The following TMEM163 variants were observed in gnomAD, a reference collection of about 807,000 sequenced individuals.
The protein encoded by TMEM163 is transmembrane protein 163.
TMEM163 carries 17 observed loss-of-function variants against 29.3 expected under a neutral mutation model. The observed-to-expected ratio is 0.58, with a 90% CI of 0.40 to 0.87. TMEM163 has a LOEUF of 0.87. Among genes scored for constraint, TMEM163 ranks in the 40% least tolerant of loss-of-function variants. TMEM163 has a pLI of 0.00. For synonymous variants in TMEM163, 157 were observed against 160.6 expected, an observed-to-expected ratio of 0.98 and a Z score of 0.17; for missense variants, 303 against 381.5, an observed-to-expected ratio of 0.79 and a Z score of 1.71.
chr2:134,570,105 G>A (rs906905318), intron 2 of TMEM163, among the ~76,000 whole-genome samples: 1 of 151,980 alleles, frequency 6.6e-6, no homozygotes, highest in African/African-American at 2.4e-5. Context: ...GTATGTCAAA[G>A]GTATGCTGTA....
chr2:134,636,181 C>T (rs1018811673), intron 2 of TMEM163, among the ~76,000 whole-genome samples: 2 of 152,220 alleles, frequency 1.3e-5, no homozygotes, highest in South Asian at 2.1e-4. Context: ...GTGTCCACCA[C>T]ACCACACCAG....
chr2:134,501,918 C>T (rs1053912167), intron 5 of TMEM163, among the ~76,000 whole-genome samples: 1 of 152,110 alleles, frequency 6.6e-6, no homozygotes, highest in Admixed American at 6.5e-5. Context: ...CCTGGTGGAT[C>T]ATTAAAGGGA....
chr2:134,545,679 G>GCCAACAC (rs1680764027), intron 4 of TMEM163, among the ~76,000 whole-genome samples: 1 of 151,938 alleles, frequency 6.6e-6, no homozygotes, highest in African/African-American at 2.4e-5. Flanking sequence ...GGATCATACT[G>GCCAACAC]CCAACACCTG....
At position 134,579,227 on chromosome 2, in the gene TMEM163, A is replaced by G. The variant is rs576283445; in HGVS notation, c.323-27136T>C. ...TATTCCCATTAGAACTTTTGATGCA[A>G]GGATTACTGGTAAACTTTCCAGTTT... On this transcript the variant is annotated intron_variant, in intron 2 of 7. Coordinates refer to ENST00000281924, the MANE Select transcript of TMEM163 (RefSeq NM_030923.5). Among the ~76,000 whole-genome samples, 12 of 152,332 alleles carry G rather than the reference A, an allele frequency of 7.9e-5. No homozygotes were observed. In the East Asian group the frequency reaches 1.5e-3, roughly 20 times the overall value.
chr2:134,650,083 T>C (rs753109961), intron 2 of TMEM163, among the ~76,000 whole-genome samples: 10 of 149,846 alleles, frequency 6.7e-5, no homozygotes, highest in Non-Finnish European at 1.3e-4. Context: ...TACAATTGAG[T>C]GAAAAAATGG....
In TMEM163 at chr2:134,520,960, C is replaced by T. The variant is rs141197889; in HGVS notation, c.459-17963G>A. On this transcript the variant is annotated intron_variant, in intron 4 of 7. Transcript: ENST00000281924. ...GGGAAGGTGTTAGTTTTTGTTTTTA[C>T]AAAGCTCTCCAGGTGTTCCTTATGA... is the stretch of plus-strand genomic sequence containing the variant. Among the ~76,000 whole-genome samples, 1,236 of 151,290 alleles carry T rather than the reference C, an allele frequency of 8.2e-3. 11 individuals carry two copies. The highest frequency in any genetic ancestry group is 0.027 in the African/African-American group (1,098 of 41,214).
At chr2:134,548,772 A>T (rs1375675586) in intron 4 of TMEM163, among the ~76,000 whole-genome samples, 1 of 152,216 alleles carries the variant, frequency 6.6e-6, no homozygotes, top group African/African-American at 2.4e-5. Context: ...TATGTTTCGT[A>T]TACACCTTGT....
intron 4 of TMEM163, among the ~76,000 whole-genome samples, chr2:134,507,686 C>T (rs1380867033): frequency 6.6e-6 from 1 of 152,018 alleles, no homozygotes; most frequent in Admixed American, 6.6e-5. Flanking sequence ...AACACAGAGA[C>T]CCCACCTCCA....
At chr2:134,713,495 G>T in intron 1 of TMEM163, 176 bp from the exon 2 acceptor site, 3 of 915,852 alleles carry the variant, frequency 3.3e-6, no homozygotes, top group Non-Finnish European at 5.2e-6. Context: ...AAGCTTTCTG[G>T]CACCCCTTGA....
intron 2 of TMEM163, among the ~76,000 whole-genome samples, chr2:134,686,320 T>C (rs1286014333): frequency 6.6e-6 from 1 of 152,186 alleles, no homozygotes; most frequent in Non-Finnish European, 1.5e-5. Flanking sequence ...GCCATGAATA[T>C]GGGTTGCGAA....
chr2:134,690,312 G>A (rs1684436453), intron 2 of TMEM163, among the ~76,000 whole-genome samples: 2 of 150,576 alleles, frequency 1.3e-5, no homozygotes, highest in South Asian at 4.2e-4. Context: ...TTGAGACAGA[G>A]TCTCACTCTG....
intron 2 of TMEM163, among the ~76,000 whole-genome samples, chr2:134,706,188 G>A (rs1684808210): frequency 6.6e-6 from 1 of 152,208 alleles, no homozygotes; most frequent in South Asian, 2.1e-4. Context: ...TCAATCGGGG[G>A]TTAGGGGGAT....
At chr2:134,570,361 AT>A (rs1385708227) in intron 2 of TMEM163, among the ~76,000 whole-genome samples, 1 of 152,114 alleles carries the variant, frequency 6.6e-6, no homozygotes, top group Non-Finnish European at 1.5e-5. Flanking sequence ...AGGAACAGAA[AT>A]GTATTCCATT....
At chr2:134,560,150 G>A (rs1681135219) in intron 2 of TMEM163, among the ~76,000 whole-genome samples, 1 of 152,162 alleles carries the variant, frequency 6.6e-6, no homozygotes, top group Admixed American at 6.5e-5. Flanking sequence ...ATTTAACGAT[G>A]AAACCTGCCC....
chr2:134,690,671 A>G (rs553132185), intron 2 of TMEM163, among the ~76,000 whole-genome samples: 9 of 152,356 alleles, frequency 5.9e-5, no homozygotes, highest in Admixed American at 2.6e-4. Flanking sequence ...TGAATTCTTC[A>G]GAGCCTTGAG....
intron 4 of TMEM163, among the ~76,000 whole-genome samples, chr2:134,505,754 A>G (rs967385254): frequency 1.3e-5 from 2 of 152,202 alleles, no homozygotes; most frequent in African/African-American, 4.8e-5. Context: ...CCACGCCTCC[A>G]TCACGCACAA....
chr2:134,546,136 A>G lies in TMEM163; in HGVS notation c.458+4434T>C, dbSNP rs146153177. On this transcript the variant is annotated intron_variant, in intron 4 of 7. Coordinates refer to ENST00000281924, the MANE Select transcript of TMEM163 (RefSeq NM_030923.5). The stretch of plus-strand genomic sequence containing the variant: ...TATAAAATGATGTAACAACTATATA[A>G]AACAGTATAGAGGTTCCTCAAAAAT... 9.8e-5 allele frequency among the ~76,000 whole-genome samples: 15 copies of G among 152,326 alleles called. No individual in the cohort carries two copies. The East Asian group carries it at 2.9e-3, about 29-fold the overall frequency.
chr2:134,491,849 G>C (rs1679435168), intron 5 of TMEM163, among the ~76,000 whole-genome samples: 1 of 152,214 alleles, frequency 6.6e-6, no homozygotes, highest in South Asian at 2.1e-4. Flanking sequence ...AAGGTTTCCA[G>C]AGTGAGGAAA....
chr2:134,530,836 A>G (rs368722631), intron 4 of TMEM163, among the ~76,000 whole-genome samples: 7 of 152,190 alleles, frequency 4.6e-5, no homozygotes, highest in Non-Finnish European at 2.9e-5. Context: ...TTCGCCCACA[A>G]TAAAATTCCT....
Sources: allele counts gnomAD v4.1 joint callset (sites outside exome capture counted in the v4.1 genomes callset), GRCh38; gene constraint gnomAD v4.1.1; transcripts MANE v1.5; gene names NCBI Gene and HGNC (gene_info 2026-07-23, HGNC 2026-07-21).